Variants in RIC1 observed in about 807,000 individuals in gnomAD.
The protein encoded by RIC1 is guanine nucleotide exchange factor subunit RIC1.
A neutral mutation model predicts 169.0 loss-of-function variants in RIC1; 88 were observed. That is an observed-to-expected ratio of 0.52 (90% CI 0.44 to 0.62). The LOEUF is 0.62. Among genes scored for constraint, RIC1 ranks in the 20% least tolerant of loss-of-function variants. The pLI is 0.00. For synonymous variants in RIC1, 790 were observed against 601.5 expected, an observed-to-expected ratio of 1.31 and a Z score of -4.59; for missense variants, 1,877 against 1,725.5, an observed-to-expected ratio of 1.09 and a Z score of -1.56.
chr9:5,686,761 A>G (rs1278714444), intron 2 of RIC1, among the ~76,000 whole-genome samples: 1 of 151,442 alleles, frequency 6.6e-6, no homozygotes, highest in African/African-American at 2.4e-5. Context: ...CATGTACCCT[A>G]AAACTTAAAG....
intron 2 of RIC1, among the ~76,000 whole-genome samples, chr9:5,665,333 C>T (rs1266427781): frequency 2.6e-5 from 4 of 152,150 alleles, no homozygotes; most frequent in Admixed American, 2.0e-4. Context: ...AAGAACTTGG[C>T]ACGTCCTGTA....
At chr9:5,777,403 TA>T (rs397703024), downstream of RIC1, among the ~76,000 whole-genome samples, 82 of 141,894 alleles carry the variant, frequency 5.8e-4, no homozygotes, top group Middle Eastern at 3.6e-3. Context: ...TAAATACTGC[TA>T]AAAAAAAAAA....
chr9:5,773,412 G>C (rs1020022004), intron 25 of RIC1, among the ~76,000 whole-genome samples: 1 of 152,074 alleles, frequency 6.6e-6, no homozygotes, highest in Non-Finnish European at 1.5e-5. Flanking sequence ...TGAAAGCAAT[G>C]GTCTACAAAT....
At position 5,713,189 on chromosome 9, in the gene RIC1, T is replaced by C. The variant is rs939477482; in HGVS notation, c.333-707T>C. ...GTGATAGCTGATGGTGAGAGACAGA[T>C]AACTGTTAAATTCCAGCACAGGCAC... On this transcript the variant is annotated intron_variant, in intron 3 of 25. Transcript: ENST00000414202. 5 of 152,304 alleles carry C rather than the reference T, an allele frequency of 3.3e-5. No homozygotes were observed. In the South Asian group the frequency reaches 1.0e-3, roughly 32 times the overall value. The allele number at this position is 152,304 out of a possible 1,614,324, so 9.4% of individuals were successfully genotyped here.
chr9:5,722,220 T>A (rs10975262), intron 6 of RIC1, among the ~76,000 whole-genome samples: 1 of 147,658 alleles, frequency 6.8e-6, no homozygotes, highest in Non-Finnish European at 1.5e-5. Flanking sequence ...TTTTTTTTTT[T>A]CCACAGTACC....
intron 3 of RIC1, among the ~76,000 whole-genome samples, chr9:5,697,302 G>A (rs1045436134): frequency 7.9e-5 from 12 of 152,210 alleles, no homozygotes; most frequent in Admixed American, 7.2e-4. Flanking sequence ...TAAGAGGTTA[G>A]ATGGTGACTT....
At position 5,629,356 on chromosome 9, in the gene RIC1, G is replaced by A. The variant is rs1817602460; in HGVS notation, c.47G>A (p.Gly16Glu). Residue 16 changes from glycine to glutamate, a missense_variant, in exon 1 of 26, where the codon GGG (glycine) becomes GAG (glutamate). By Grantham distance (98) the Gly-to-Glu change is moderately conservative. Coordinates refer to ENST00000414202, the MANE Select transcript of RIC1 (RefSeq NM_020829.4). The stretch of plus-strand genomic sequence containing the variant: ...CCCAAGAGGCTGCTGTGCCCTCTGG[G>A]GAGCCCGGCCGAGGCGCCTTTCCAC... ...GWPKRLLCPL[G>E]SPAEAPFHVQ... is the part of the protein sequence containing the mutation. 1 of 1,534,330 alleles carries A rather than the reference G, an allele frequency of 6.5e-7. No individual in the cohort carries two copies. Among genetic ancestry groups the A allele is most frequent in the East Asian group, 2.5e-5 (1 of 40,740 alleles).
intron 2 of RIC1, among the ~76,000 whole-genome samples, chr9:5,676,768 G>C (rs11792725): frequency 3.3e-5 from 5 of 151,992 alleles, no homozygotes; most frequent in South Asian, 2.1e-4. Flanking sequence ...CAATTACTTT[G>C]TGTTTTCTGG....
chr9:5,719,585 G>T (rs1179629751), intron 4 of RIC1: 4 of 152,084 alleles, frequency 2.6e-5, no homozygotes, highest in Admixed American at 1.3e-4. Context: ...TATTGGCCTG[G>T]AACTATACTC....
In RIC1 at chr9:5,690,005, G is replaced by T. The variant is rs777409360; in HGVS notation, c.299G>T (p.Gly100Val). 4 of 1,599,994 alleles carry T rather than the reference G, an allele frequency of 2.5e-6. No individual in the cohort carries two copies. In the South Asian group the frequency reaches 4.5e-5, roughly 18 times the overall value. ...ILFFHITSTR[G>V]DKYLYEPVYP... The stretch of plus-strand genomic sequence containing the variant: ...TTTTTTCATATTACATCTACAAGAG[G>T]GGACAAGTACCTTTATGAACCAGTG... Residue 100 changes from glycine (G) to valine (V), a missense_variant, in exon 3 of 26, where the codon GGG becomes GTG. Physicochemically the swap from Gly to Val is moderately radical, Grantham distance 109. Transcript: ENST00000414202.
At chr9:5,641,829 A>T (rs1586866261) in intron 1 of RIC1, among the ~76,000 whole-genome samples, 1 of 144,270 alleles carries the variant, frequency 6.9e-6, no homozygotes, top group East Asian at 1.9e-4. Context: ...TCTCTGTGTT[A>T]TCTTCAATTT....
At chr9:5,699,212 A>G (rs954013920) in intron 3 of RIC1, among the ~76,000 whole-genome samples, 1 of 152,238 alleles carries the variant, frequency 6.6e-6, no homozygotes, top group Admixed American at 6.5e-5. Context: ...TGGAATTTTC[A>G]TATTCTCCCT....
intron 7 of RIC1, among the ~76,000 whole-genome samples, 198 bp downstream of exon 7, chr9:5,732,677 T>C (rs547031533): frequency 6.6e-6 from 1 of 152,168 alleles, no homozygotes; most frequent in East Asian, 1.9e-4. Context: ...ATTTTGGAGG[T>C]TGAGCATGTT....
chr9:5,716,763 A>G (rs1054999893), intron 4 of RIC1, among the ~76,000 whole-genome samples: 1 of 152,224 alleles, frequency 6.6e-6, no homozygotes, highest in Non-Finnish European at 1.5e-5. Context: ...GCAAACACTT[A>G]GGTGACTTGG....
At position 5,702,503 on chromosome 9, in the gene RIC1, T is replaced by G. The variant is rs186914609; in HGVS notation, c.333-11393T>G. Among the ~76,000 whole-genome samples the G allele has an allele frequency of 3.9e-3, 555 of 143,512 alleles. 6 individuals are homozygous for G. Among genetic ancestry groups the G allele is most frequent in the East Asian group, 0.025 (129 of 5,076 alleles). 94.1% of individuals were successfully genotyped at this position (143,512 alleles called of 152,430 possible). A position where few individuals can be genotyped will look rare whatever the true frequency, so the allele number is the denominator to read the frequency against. ...AGGTGCTACACACTTACACACTTTTTTTTTGTTTTGTTTTGTTTTTGTTTT... is the reference window on the plus strand; with the variant it reads ...AGGTGCTACACACTTACACACTTTTGTTTTGTTTTGTTTTGTTTTTGTTTT... On this transcript the variant is annotated intron_variant, in intron 3 of 25. Transcript: ENST00000414202.
rs912310942 is a variant in RIC1 at position 5,670,283 on chromosome 9, C to T, written c.252+13593C>T. Among the ~76,000 whole-genome samples the T allele has an allele frequency of 1.6e-4, 24 of 152,164 alleles. 1 individual carries two copies. Among genetic ancestry groups the T allele is most frequent in the Non-Finnish European group, 2.8e-4 (19 of 68,036 alleles). On this transcript the variant is annotated intron_variant, in intron 2 of 25. Transcript: ENST00000414202. ...AGAGCTTTGCTGATTTTTCTTTGCT[C>T]CAGCAGGCGTCTGCCTGAACTAAGT...
Position 5,765,567 on chromosome 9 carries a change from G to A in RIC1, c.2995G>A (p.Ala999Thr), listed in dbSNP as rs1464033981. 1.9e-6 allele frequency: 3 copies of A among 1,613,914 alleles called. No homozygotes were observed. Among genetic ancestry groups the A allele is most frequent in the East Asian group, 2.2e-5 (1 of 44,896 alleles). Residue 999 changes from alanine (A) to threonine (T), a missense_variant, in exon 20 of 26, where the codon GCT becomes ACT. Ala to Thr is a moderately conservative substitution (Grantham distance 58). Around this residue, in one of 3 missense-constraint regions of RIC1, gnomAD observed 681 missense variants for 582.0 expected, o/e 1.17. Transcript: ENST00000414202. Reference protein sequence around the residue: ...ESETPPSTPTAQEPSSSGGFE... With the variant: ...ESETPPSTPTTQEPSSSGGFE... ...TGAGACACCTCCATCCACACCCACAGCTCAGGTTAGTTGCAAAAGTTACAC... is the reference window on the plus strand; with the variant it reads ...TGAGACACCTCCATCCACACCCACAACTCAGGTTAGTTGCAAAAGTTACAC...
intron 22 of RIC1, chr9:5,769,474 T>C (rs1827048709): frequency 1.4e-6 from 2 of 1,445,944 alleles, no homozygotes; most frequent in Non-Finnish European, 1.8e-6. Flanking sequence ...CCTTGAAGTC[T>C]AATTCAAAAA....
At chr9:5,650,029 C>A (rs1308353887) in intron 1 of RIC1, among the ~76,000 whole-genome samples, 1 of 152,156 alleles carries the variant, frequency 6.6e-6, no homozygotes, top group African/African-American at 2.4e-5. Flanking sequence ...TTCTCCTGGG[C>A]AGTGGGATGC....
Sources: gnomAD v4.1 joint callset for allele counts (sites outside exome capture counted in the v4.1 genomes callset) on GRCh38, gnomAD v4.1.1 for gene constraint, gnomAD v4.1.1 regional missense constraint, MANE v1.5 for transcripts, NCBI Gene and HGNC (gene_info 2026-07-23, HGNC 2026-07-21) for gene names.